DDX60: variants seen among roughly 807,000 people sequenced by gnomAD.
DDX60 encodes probable ATP-dependent RNA helicase DDX60.
DDX60 carries 165 observed loss-of-function variants against 212.8 expected under a neutral mutation model. The ratio of observed to expected loss-of-function variants is 0.78; its 90% confidence interval spans 0.68 to 0.88. The LOEUF is 0.88. Ranked by LOEUF, DDX60 falls within the 40% of genes least tolerant of loss-of-function variation. The pLI is 0.00. For missense variants in DDX60, 1,905 were observed against 2,003.9 expected (o/e 0.95, Z 0.94); for synonymous variants, 703 against 685.3 (o/e 1.03, Z -0.40).
intron 6 of DDX60, among the ~76,000 whole-genome samples, chr4:168,294,159 G>T (rs903948666): frequency 6.6e-6 from 1 of 152,008 alleles, no homozygotes; most frequent in Non-Finnish European, 1.5e-5. Flanking sequence ...ATTTTTCTGA[G>T]ACGAAAGGAA....
chr4:168,267,715 C>T, intron 21 of DDX60, 24 bp from the exon 22 acceptor site: 1 of 1,557,208 alleles, frequency 6.4e-7, no homozygotes, highest in East Asian at 2.3e-5. Flanking sequence ...ACAAGAATTT[C>T]CACATCAATG....
Position 168,267,901 on chromosome 4 carries a change from G to A in DDX60, c.2869C>T (p.Arg957Cys), listed in dbSNP as rs752328810. Residue 957 changes from arginine (R) to cysteine (C), a missense_variant, in exon 21 of 38, where the codon CGT becomes TGT. By Grantham distance (180) the Arg-to-Cys change is radical. Transcript: ENST00000393743. ...TAGTCTTTGGGAAAGCCGGCCTGAC[G>A]ACCCACATGTCTTTTAGAAGCGGTA... is the stretch of plus-strand genomic sequence containing the variant. ...NNTASKRHVG[R>C]QAGFPKDYLQ... 5.0e-5 allele frequency: 81 copies of A among 1,613,244 alleles called. No homozygotes were observed. Among genetic ancestry groups the A allele is most frequent in the East Asian group, 6.7e-5 (3 of 44,822 alleles).
chr4:168,295,515 C>A (rs948433484), intron 6 of DDX60, among the ~76,000 whole-genome samples: 2 of 152,192 alleles, frequency 1.3e-5, no homozygotes, highest in Non-Finnish European at 2.9e-5. Context: ...ACTTCCGATT[C>A]CTGTATGTCA....
At chr4:168,253,966 A>G (rs1734314146) in intron 26 of DDX60, among the ~76,000 whole-genome samples, 1 of 152,220 alleles carries the variant, frequency 6.6e-6, no homozygotes, top group African/African-American at 2.4e-5. Context: ...GCTCACTTGT[A>G]TGTCATCATT....
intron 13 of DDX60, among the ~76,000 whole-genome samples, chr4:168,282,649 C>T (rs983259067): frequency 6.6e-6 from 1 of 151,952 alleles, no homozygotes; most frequent in African/African-American, 2.4e-5. Context: ...TTTCCAAAAC[C>T]CCAACTTTGA....
At position 168,272,096 on chromosome 4, in the gene DDX60, CAA is replaced by C; in HGVS notation, c.2615_2616del (p.Leu872ArgfsTer17). 6.3e-7 allele frequency: 1 copy of C among 1,587,158 alleles called. No individual in the cohort carries two copies. Among genetic ancestry groups the C allele is most frequent in the Non-Finnish European group, 8.6e-7 (1 of 1,163,968 alleles). Reference protein sequence around the residue: ...TVPACFEILLLAPHRQNWVKK... With the variant: ...TVPACFEILLXAPHRQNWVKK... Reference sequence around the variant, plus strand: ...TTCACCCAGTTTTGGCGATGAGGAGCAAGCAGCAGAATTTCAAAGCAGGCAGG... The same window carrying C: ...TTCACCCAGTTTTGGCGATGAGGAGCGCAGCAGAATTTCAAAGCAGGCAGG... On this transcript the variant is annotated frameshift_variant, in exon 19 of 38. Coordinates refer to ENST00000393743, the MANE Select transcript of DDX60 (RefSeq NM_017631.6). LOFTEE classifies it high-confidence loss of function.
At chr4:168,293,969 G>C in intron 6 of DDX60, 24 bp from the exon 7 acceptor site, 2 of 1,597,998 alleles carry the variant, frequency 1.3e-6, no homozygotes, top group Non-Finnish European at 1.7e-6. Flanking sequence ...AAATTGTAAT[G>C]TGTCATGCTA....
intron 6 of DDX60, among the ~76,000 whole-genome samples, chr4:168,297,362 GAA>G (rs34657370): frequency 7.1e-4 from 42 of 59,270 alleles, no homozygotes; most frequent in Admixed American, 2.3e-3. Context: ...AAGAAAGAAA[GAA>G]AGAAAGAAAG....
At chr4:168,269,000 G>C in intron 19 of DDX60, 31 bp from the exon 20 acceptor site, 3 of 1,226,198 alleles carry the variant, frequency 2.4e-6, no homozygotes, top group East Asian at 2.4e-5. Flanking sequence ...AATCTCAACT[G>C]AAAAGTTGAT....
rs1381556579 is a variant in DDX60 at position 168,273,329 on chromosome 4, G to A, written c.2524C>T (p.Leu842Phe). The part of the protein sequence containing the change: ...FTKNLPSGEV[L>F]CGVFTREYRH... ...TACTCCCTGGTGAAAACACCACAGA[G>A]AACTTCACCACTTGGCAGATTTTTC... Residue 842 changes from leucine (L) to phenylalanine (F), a missense_variant, in exon 18 of 38, where the codon CTC becomes TTC. Coordinates refer to ENST00000393743, the MANE Select transcript of DDX60 (RefSeq NM_017631.6). The A allele has an allele frequency of 5.6e-6, 9 of 1,613,754 alleles. No homozygotes were observed. Among genetic ancestry groups the A allele is most frequent in the Non-Finnish European group, 7.6e-6 (9 of 1,179,884 alleles).
intron 30 of DDX60, among the ~76,000 whole-genome samples, chr4:168,242,405 G>A (rs1733878052): frequency 6.6e-6 from 1 of 152,212 alleles, no homozygotes; most frequent in Non-Finnish European, 1.5e-5. Context: ...TATGAAGGCA[G>A]CCAGGAGGGG....
rs1734386660 is a variant in DDX60 at position 168,255,831 on chromosome 4, A to AG, written c.3436_3437insC (p.Val1146AlafsTer18). On this transcript the variant is annotated frameshift_variant, in exon 26 of 38. Transcript: ENST00000393743. LOFTEE classifies it high-confidence loss of function. ...CTGCTTTTTCTTTAGGAAAGTGCTC[A>AG]CACTTTCAGCTGCGTTTTCTACAGC... 1 of 1,601,886 alleles carries AG rather than the reference A, an allele frequency of 6.2e-7. No homozygotes were observed. Among genetic ancestry groups the AG allele is most frequent in the African/African-American group, 1.4e-5 (1 of 73,846 alleles).
intron 7 of DDX60, 73 bp downstream of exon 7, chr4:168,293,714 G>A (rs1022497404): frequency 2.3e-6 from 3 of 1,292,184 alleles, no homozygotes; most frequent in African/African-American, 3.0e-5. Flanking sequence ...TAGAGGAAAT[G>A]AAAGATACAA....
rs541401502 is a variant in DDX60, at chr4:168,302,373, T to G, written c.650A>C (p.Gln217Pro). The G allele has an allele frequency of 6.3e-7, 1 of 1,590,002 alleles. No individual in the cohort carries two copies. Among genetic ancestry groups the G allele is most frequent in the Non-Finnish European group, 8.6e-7 (1 of 1,168,846 alleles). ...IKDAYTTLLN[Q>P]LERFKLSALA... ...TGCTGAAAGCTTAAATCTTTCCAAC[T>G]GGTTAAGCAGGGTTGTATAAGCATC... Residue 217 changes from glutamine to proline, a missense_variant, in exon 6 of 38, where the codon CAG (glutamine) becomes CCG (proline). Coordinates refer to ENST00000393743, the MANE Select transcript of DDX60 (RefSeq NM_017631.6).
intron 22 of DDX60, among the ~76,000 whole-genome samples, chr4:168,266,284 T>A (rs1159893918): frequency 6.6e-6 from 1 of 152,216 alleles, no homozygotes; most frequent in Non-Finnish European, 1.5e-5. Context: ...TTTTAGAACA[T>A]GAAGTAAGTG....
chr4:168,288,511 C>T (rs1473319475), intron 8 of DDX60, among the ~76,000 whole-genome samples, 196 bp from the exon 9 acceptor site: 1 of 152,050 alleles, frequency 6.6e-6, no homozygotes, highest in Non-Finnish European at 1.5e-5. Flanking sequence ...AAAAACTGAT[C>T]CAAAAATGCA....
chr4:168,307,891 T>C (rs1215567588), intron 4 of DDX60, 115 bp downstream of exon 4: 1 of 521,014 alleles, frequency 1.9e-6, no homozygotes, highest in East Asian at 4.2e-5. Flanking sequence ...CTTTCAATTT[T>C]CTGAACTTTT....
In DDX60 at chr4:168,288,307, C is replaced by T. The variant is rs1479058750; in HGVS notation, c.1050G>A (p.Trp350Ter). The T allele has an allele frequency of 6.8e-7, 1 of 1,465,306 alleles. No individual in the cohort carries two copies. Among genetic ancestry groups the T allele is most frequent in the East Asian group, 2.4e-5 (1 of 41,422 alleles). 90.8% of individuals were successfully genotyped at this position (1,465,306 alleles called of 1,614,324 possible). Residue 350 changes from tryptophan (W) to a stop codon, truncating the protein, a stop_gained, in exon 9 of 38, where the codon TGG becomes TGA. Transcript: ENST00000393743. LOFTEE classifies it high-confidence loss of function. ...DMKPLLQMKK[W>*]CEYFILRNIH... is the part of the protein sequence containing the mutation. ...TATTTCTTAAGATGAAATATTCACA[C>T]CACTTTTTCTGAAAATTGAAAAGAA...
chr4:168,283,502 T>G lies in DDX60; in HGVS notation c.1666A>C (p.Thr556Pro), dbSNP rs1434248668. 2.0e-5 allele frequency: 33 copies of G among 1,613,472 alleles called. No individual in the cohort carries two copies. The highest frequency in any genetic ancestry group is 2.7e-5 in the Non-Finnish European group (32 of 1,179,720). ...TCCTTCTTTGACTTAATAGTTTGAG[T>G]CACGATGATTTTCGAAGAGACTGTT... ...LETVSSKIIV[T>P]QTIKSKKDFS... is the part of the protein sequence containing the mutation. Residue 556 changes from threonine to proline, a missense_variant, in exon 13 of 38, where the codon ACT becomes CCT. Coordinates refer to ENST00000393743, the MANE Select transcript of DDX60 (RefSeq NM_017631.6).
Sources: gnomAD v4.1 joint callset for allele counts (sites outside exome capture counted in the v4.1 genomes callset) on GRCh38, gnomAD v4.1.1 for gene constraint, MANE v1.5 for transcripts, NCBI Gene and HGNC (gene_info 2026-07-23, HGNC 2026-07-21) for gene names.